Variants in PPP2R5C observed in about 807,000 individuals in gnomAD.
PPP2R5C encodes serine/threonine-protein phosphatase 2A 56 kDa regulatory subunit gamma isoform.
In PPP2R5C, 7 loss-of-function variants were observed where a neutral mutation model predicts 68.9. That is an observed-to-expected ratio of 0.10 (90% CI 0.06 to 0.19). PPP2R5C has a LOEUF of 0.19. PPP2R5C is among the 10% of genes least tolerant of loss of function. The pLI, the probability that PPP2R5C is intolerant of heterozygous loss-of-function variation, is 1.00. For missense variants in PPP2R5C, 348 were observed against 641.3 expected (o/e 0.54, Z 4.94); for synonymous variants, 210 against 222.2 (o/e 0.95, Z 0.49).
At position 101,851,451 on chromosome 14, in the gene PPP2R5C, G is replaced by A. The variant is rs1487991739; in HGVS notation, c.95-5235G>A. 5.3e-5 allele frequency among the ~76,000 whole-genome samples: 8 copies of A among 152,008 alleles called. No homozygotes were observed. In the East Asian group the frequency reaches 5.8e-4, roughly 11 times the overall value. ...GTCTCTAGTTAAAAAAAATAAAAAC[G>A]TGCATGGAAGCTGAGGGTGCTGCTT... On this transcript the variant is annotated intron_variant, in intron 1 of 13. Transcript: ENST00000334743.
chr14:101,918,293 T>C lies in PPP2R5C; in HGVS notation c.1443+346T>C, dbSNP rs567772747. On this transcript the variant is annotated intron_variant, in intron 13 of 13. Coordinates refer to ENST00000334743, the Ensembl canonical transcript of PPP2R5C. ...TTCTTCACAGCCCTCTGGCTTCTGC[T>C]TCGACCCAGAGAGGCTCCCTTAGCT... Among the ~76,000 whole-genome samples, 4 of 149,774 alleles carry C rather than the reference T, an allele frequency of 2.7e-5. No homozygotes were observed. In the East Asian group the frequency reaches 7.8e-4, roughly 29 times the overall value.
intron 1 of PPP2R5C, among the ~76,000 whole-genome samples, chr14:101,852,440 T>C (rs2042214773): frequency 1.3e-5 from 2 of 151,688 alleles, no homozygotes; most frequent in Admixed American, 6.6e-5. Context: ...AGCACATTCT[T>C]TTTTTTTCTT....
intron 9 of PPP2R5C, among the ~76,000 whole-genome samples, chr14:101,902,474 C>T (rs891385531): frequency 6.6e-6 from 1 of 152,214 alleles, no homozygotes; most frequent in African/African-American, 2.4e-5. Flanking sequence ...TCCCAGCCTG[C>T]CTGCCTCTGT....
At chr14:101,834,133 T>C (rs890714815) in intron 1 of PPP2R5C, among the ~76,000 whole-genome samples, 1 of 152,176 alleles carries the variant, frequency 6.6e-6, no homozygotes, top group Non-Finnish European at 1.5e-5. Flanking sequence ...CATTGTCTCT[T>C]CCTCTGGGTG....
Position 101,926,018 on chromosome 14 carries a change from C to G in PPP2R5C, c.*746C>G, listed in dbSNP as rs550468085. ...TCTTAAAAGAGCTTGCTCTGTCTAC[C>G]TTGACAGAAATTGGAGTTTTAAAAT... On this transcript the variant is annotated 3_prime_UTR_variant, in exon 14 of 14. Coordinates refer to ENST00000334743, the Ensembl canonical transcript of PPP2R5C. 6 of 152,542 alleles carry G rather than the reference C, an allele frequency of 3.9e-5. No individual in the cohort carries two copies. In the South Asian group the frequency reaches 1.2e-3, roughly 32 times the overall value. 9.4% of individuals were successfully genotyped at this position (152,542 alleles called of 1,614,324 possible).
intron 1 of PPP2R5C, among the ~76,000 whole-genome samples, chr14:101,837,393 C>T (rs1319414514): frequency 6.6e-6 from 1 of 152,100 alleles, no homozygotes; most frequent in African/African-American, 2.4e-5. Flanking sequence ...GTGATCCGCC[C>T]ACCTCAGCCT....
intron 1 of PPP2R5C, among the ~76,000 whole-genome samples, chr14:101,832,941 G>C (rs1474533219): frequency 6.6e-6 from 1 of 152,170 alleles, no homozygotes; most frequent in Non-Finnish European, 1.5e-5. Flanking sequence ...TTGGAAAATG[G>C]GAGTGATAAC....
chr14:101,836,061 A>G (rs2041073588), intron 1 of PPP2R5C: 1 of 608,768 alleles, frequency 1.6e-6, no homozygotes, highest in African/African-American at 1.9e-5. Flanking sequence ...ATAAAATACA[A>G]TGGGAAATTA....
chr14:101,853,098 C>T (rs910310496), intron 1 of PPP2R5C, among the ~76,000 whole-genome samples: 3 of 151,900 alleles, frequency 2.0e-5, no homozygotes, highest in Non-Finnish European at 4.4e-5. Flanking sequence ...GTCCTGTCAA[C>T]GCAGCAGAAA....
chr14:101,778,239 A>G (rs563153897), intron 2 of PPP2R5C, among the ~76,000 whole-genome samples: 53 of 152,254 alleles, frequency 3.5e-4, no homozygotes, highest in African/African-American at 1.2e-3. Flanking sequence ...ATGCCTGTTC[A>G]AGTCCTTTGC....
chr14:101,773,995 G>A (rs185630049), intron 2 of PPP2R5C, among the ~76,000 whole-genome samples: 14 of 152,348 alleles, frequency 9.2e-5, no homozygotes, highest in Admixed American at 8.5e-4. Flanking sequence ...GAGTCTGGTT[G>A]GGCTTTGAGT....
chr14:101,886,891 G>A (rs989778773), intron 5 of PPP2R5C, among the ~76,000 whole-genome samples: 4 of 151,914 alleles, frequency 2.6e-5, no homozygotes, highest in Non-Finnish European at 4.4e-5. Context: ...CACCACATGC[G>A]GCTAACTTTT....
chr14:101,880,566 CAGG>C (rs2044098187), intron 2 of PPP2R5C, among the ~76,000 whole-genome samples: 1 of 152,096 alleles, frequency 6.6e-6, no homozygotes, highest in African/African-American at 2.4e-5. Context: ...GAGGCCGAGG[CAGG>C]AGGATTGCTT....
chr14:101,901,555 A>AG (rs2045693540), intron 8 of PPP2R5C, among the ~76,000 whole-genome samples, 164 bp from the exon 11 acceptor site: 1 of 152,196 alleles, frequency 6.6e-6, no homozygotes, highest in Admixed American at 6.5e-5. Context: ...AATACAGAAA[A>AG]TCACATATGA....
intron 13 of PPP2R5C, among the ~76,000 whole-genome samples, chr14:101,919,818 A>T (rs762564887): frequency 2.0e-5 from 3 of 152,092 alleles, no homozygotes; most frequent in Non-Finnish European, 4.4e-5. Flanking sequence ...AAAATACAAA[A>T]ATTAGCCAGG....
rs1205789785 is a variant in PPP2R5C, at chr14:101,825,009, A to C, written c.94+14973A>C. On this transcript the variant is annotated intron_variant, in intron 1 of 13. Coordinates refer to ENST00000334743, the Ensembl canonical transcript of PPP2R5C. The surrounding 1 kb of genome is among the most constrained non-coding windows in gnomAD (Gnocchi z 4.0). The stretch of plus-strand genomic sequence containing the variant: ...AAAAGGGTGTAAGTAGCATCCCTTT[A>C]TGACTGATGAAAGGAGAGCAGCCGA... The C allele has an allele frequency of 6.6e-6, 1 of 152,284 alleles. No individual in the cohort carries two copies. Among genetic ancestry groups the C allele is most frequent in the East Asian group, 1.9e-4 (1 of 5,190 alleles). The allele number at this position is 152,284 out of a possible 1,614,324, so 9.4% of individuals were successfully genotyped here.
rs759552900 is a variant in PPP2R5C at position 101,901,701 on chromosome 14, G to A, written c.853-18G>A. 1.5e-5 allele frequency: 24 copies of A among 1,611,898 alleles called. No homozygotes were observed. The highest frequency in any genetic ancestry group is 1.3e-4 in the Admixed American group (8 of 59,976). ...GCCTCGTGGGCATCAGTCACTCCAC[G>A]TGTCATTTCTTTTGTAGGTGGTGAT... On this transcript the variant is annotated intron_variant, in intron 8 of 13. Coordinates refer to ENST00000334743, the Ensembl canonical transcript of PPP2R5C.
chr14:101,810,136 G>C (rs1057316384), intron 1 of PPP2R5C: 1 of 1,113,436 alleles, frequency 9.0e-7, no homozygotes, highest in Non-Finnish European at 1.3e-6. Context: ...CTTTCTAGCA[G>C]AATTCACCCC....
At chr14:101,924,641 CTA>C (rs2047201037) in intron 13 of PPP2R5C, among the ~76,000 whole-genome samples, 1 of 151,716 alleles carries the variant, frequency 6.6e-6, no homozygotes, top group African/African-American at 2.4e-5. Flanking sequence ...CGGGGTTTCA[CTA>C]TGTTGGTCAG....
Sources: gnomAD v4.1 joint callset for allele counts (sites outside exome capture counted in the v4.1 genomes callset) on GRCh38, gnomAD v4.1.1 for gene constraint, Gnocchi (gnomAD v3.1) non-coding constraint, MANE v1.5 for transcripts, NCBI Gene and HGNC (gene_info 2026-07-23, HGNC 2026-07-21) for gene names.